Variants in SDCCAG8 observed in about 807,000 individuals in gnomAD.
The protein encoded by SDCCAG8 is SHH signaling and ciliogenesis regulator SDCCAG8.
In SDCCAG8, 74 loss-of-function variants were observed where a neutral mutation model predicts 101.8. That is an observed-to-expected ratio of 0.73 (90% CI 0.60 to 0.88). SDCCAG8 has a LOEUF of 0.88. Among genes scored for constraint, SDCCAG8 ranks in the 40% least tolerant of loss-of-function variants. The probability of loss-of-function intolerance (pLI) is 0.00; values close to 1 mark genes in which losing one functional copy is unlikely to be tolerated. For missense variants in SDCCAG8, 787 were observed against 822.6 expected (o/e 0.96, Z 0.53); for synonymous variants, 281 against 292.9 (o/e 0.96, Z 0.41).
intron 13 of SDCCAG8, among the ~76,000 whole-genome samples, chr1:243,405,643 A>G (rs1357186980): frequency 6.6e-6 from 1 of 152,188 alleles, no homozygotes; most frequent in Non-Finnish European, 1.5e-5. Flanking sequence ...TTAAGAAAGC[A>G]GACATAATTA....
rs2067980723 is a variant in SDCCAG8 at position 243,270,270 on chromosome 1, G to T, written c.220+13G>T. ...CAGAGCCATGCTGGTGAGTGTGAAT[G>T]TCAATCCTAGTCTGAATGATGCATA... On this transcript the variant is annotated intron_variant, in intron 2 of 17. Transcript: ENST00000366541. 6.2e-6 allele frequency: 10 copies of T among 1,612,990 alleles called. No individual in the cohort carries two copies. The East Asian group carries it at 2.2e-4, about 36-fold the overall frequency.
At chr1:243,375,840 T>G (rs140005314) in intron 12 of SDCCAG8, among the ~76,000 whole-genome samples, 1 of 152,280 alleles carries the variant, frequency 6.6e-6, no homozygotes, top group East Asian at 1.9e-4. Context: ...GAGATTTCTC[T>G]TCTAACGGTT....
At chr1:243,299,290 A>G (rs1304627942) in intron 6 of SDCCAG8, among the ~76,000 whole-genome samples, 2 of 152,186 alleles carry the variant, frequency 1.3e-5, no homozygotes, top group East Asian at 3.8e-4. Context: ...TTAGCATGGT[A>G]TATCTTTTCC....
intron 13 of SDCCAG8, among the ~76,000 whole-genome samples, chr1:243,389,644 C>T (rs1051361188): frequency 6.6e-6 from 1 of 151,920 alleles, no homozygotes; most frequent in Non-Finnish European, 1.5e-5. Context: ...AAACTATTTG[C>T]AAAAGATTAG....
At chr1:243,448,807 G>A (rs2083132819) in intron 16 of SDCCAG8, among the ~76,000 whole-genome samples, 1 of 152,174 alleles carries the variant, frequency 6.6e-6, no homozygotes, top group South Asian at 2.1e-4. Flanking sequence ...CTATAGTTCA[G>A]ATCCTGGCCC....
At chr1:243,490,617 C>T (rs1442175245) in intron 17 of SDCCAG8, among the ~76,000 whole-genome samples, 5 of 152,252 alleles carry the variant, frequency 3.3e-5, no homozygotes, top group African/African-American at 7.2e-5. Context: ...GCATGGTGCA[C>T]GCCTGGCTTC....
chr1:243,448,198 A>G (rs1351992255), intron 16 of SDCCAG8, among the ~76,000 whole-genome samples: 3 of 152,188 alleles, frequency 2.0e-5, no homozygotes, highest in African/African-American at 2.4e-5. Context: ...GACCTTGTCA[A>G]GGCATAGATT....
intron 16 of SDCCAG8, among the ~76,000 whole-genome samples, chr1:243,444,607 T>C (rs994112224): frequency 1.3e-5 from 2 of 152,100 alleles, no homozygotes; most frequent in African/African-American, 4.8e-5. Context: ...GGTCTCAAAC[T>C]CCTGAGCTCA....
intron 13 of SDCCAG8, among the ~76,000 whole-genome samples, chr1:243,386,209 G>A (rs1003989336): frequency 6.6e-6 from 1 of 152,264 alleles, no homozygotes; most frequent in Non-Finnish European, 1.5e-5. Flanking sequence ...GCACAGAGAA[G>A]GAAAGGAGTC....
At chr1:243,287,410 TGAAG>T (rs1338942272) in intron 5 of SDCCAG8, among the ~76,000 whole-genome samples, 1 of 152,084 alleles carries the variant, frequency 6.6e-6, no homozygotes, top group Non-Finnish European at 1.5e-5. Context: ...TTTTCGTTTT[TGAAG>T]TTTTTTTTTT....
At chr1:243,267,332 T>C in intron 1 of SDCCAG8, 2 of 240,372 alleles carry the variant, frequency 8.3e-6, no homozygotes, top group Non-Finnish European at 1.6e-5. Flanking sequence ...CGTGGTGGCT[T>C]ACGCCTGTAA....
At chr1:243,452,368 T>C (rs2083422670) in intron 16 of SDCCAG8, among the ~76,000 whole-genome samples, 1 of 151,670 alleles carries the variant, frequency 6.6e-6, no homozygotes, top group African/African-American at 2.4e-5. Context: ...TCTCTTTCTC[T>C]GTCATACCTT....
intron 5 of SDCCAG8, among the ~76,000 whole-genome samples, chr1:243,288,333 G>C (rs1318736246): frequency 6.6e-6 from 1 of 152,018 alleles, no homozygotes; most frequent in Non-Finnish European, 1.5e-5. Flanking sequence ...AATTAGCCGA[G>C]CATGCTGATG....
intron 12 of SDCCAG8, among the ~76,000 whole-genome samples, chr1:243,352,971 A>G (rs1001335414): frequency 7.2e-5 from 11 of 152,212 alleles, no homozygotes; most frequent in African/African-American, 2.4e-4. Flanking sequence ...AACAGCCACT[A>G]TGACAGATTT....
chr1:243,438,030 T>A (rs1558469147), intron 16 of SDCCAG8, among the ~76,000 whole-genome samples: 1 of 151,982 alleles, frequency 6.6e-6, no homozygotes. Flanking sequence ...TTCTTGCCCC[T>A]CCCCCGGGAG....
At position 243,316,831 on chromosome 1, in the gene SDCCAG8, G is replaced by A. The variant is rs1380907511; in HGVS notation, c.1006G>A (p.Ala336Thr). Reference sequence around the variant, plus strand: ...AGATACGCAGCAAAGAGAAGCAAGTGCTTATGAACAGGTGAAACAAGTTTT... The same window carrying A: ...AGATACGCAGCAAAGAGAAGCAAGTACTTATGAACAGGTGAAACAAGTTTT... ...LADTQQREASAYEQVKQVLQI... is the reference protein window; with the variant it reads ...LADTQQREASTYEQVKQVLQI... The change falls in exon 9 of 18, where the codon GCT becomes ACT. Residue 336 changes from alanine to threonine, a missense_variant. Transcript: ENST00000366541. The A allele has an allele frequency of 6.2e-7, 1 of 1,614,206 alleles. No homozygotes were observed. Among genetic ancestry groups the A allele is most frequent in the South Asian group, 1.1e-5 (1 of 91,080 alleles).
At chr1:243,279,292 A>G (rs1407087721) in intron 4 of SDCCAG8, among the ~76,000 whole-genome samples, 5 of 152,118 alleles carry the variant, frequency 3.3e-5, no homozygotes, top group Non-Finnish European at 7.4e-5. Flanking sequence ...AGTTACTGAG[A>G]GTACAGATGC....
intron 6 of SDCCAG8, among the ~76,000 whole-genome samples, chr1:243,294,808 G>A (rs1037784512): frequency 1.3e-5 from 2 of 149,318 alleles, no homozygotes; most frequent in African/African-American, 4.9e-5. Flanking sequence ...TGTAACAGAC[G>A]TTTATTCTTC....
chr1:243,478,346 G>T (rs563145966), intron 16 of SDCCAG8, among the ~76,000 whole-genome samples: 73 of 152,294 alleles, frequency 4.8e-4, no homozygotes, highest in African/African-American at 1.5e-3. Flanking sequence ...TACTTTCTTG[G>T]CTTCACCATA....
Sources: gnomAD v4.1 joint callset for allele counts (sites outside exome capture counted in the v4.1 genomes callset) on GRCh38, gnomAD v4.1.1 for gene constraint, MANE v1.5 for transcripts, NCBI Gene and HGNC (gene_info 2026-07-23, HGNC 2026-07-21) for gene names.